Variants in WWOX observed in about 807,000 individuals in gnomAD.
WWOX encodes the protein WW domain-containing oxidoreductase.
In WWOX, 69 loss-of-function variants were observed where a neutral mutation model predicts 46.2. That is an observed-to-expected ratio of 1.49 (90% CI 1.23 to 1.82). WWOX has a LOEUF of 1.82. WWOX is among the 40% of genes most tolerant of loss of function. WWOX has a pLI of 0.00. For missense variants in WWOX, 919 were observed against 542.6 expected, an observed-to-expected ratio of 1.69 and a Z score of -6.89; for synonymous variants, 359 against 202.6, an observed-to-expected ratio of 1.77 and a Z score of -6.56.
intron 8 of WWOX, among the ~76,000 whole-genome samples, chr16:78,707,548 G>C (rs1477657612): frequency 6.6e-6 from 1 of 152,098 alleles, no homozygotes; most frequent in African/African-American, 2.4e-5. Context: ...AGGAACCGAA[G>C]TCAGAAATAA....
chr16:78,486,920 A>G (rs986053850), intron 8 of WWOX, among the ~76,000 whole-genome samples: 1 of 152,096 alleles, frequency 6.6e-6, no homozygotes, highest in Non-Finnish European at 1.5e-5. Flanking sequence ...GAAGTTGATG[A>G]TCTATTCCTA....
At chr16:78,440,362 A>T (rs917912013) in intron 8 of WWOX, among the ~76,000 whole-genome samples, 4 of 151,702 alleles carry the variant, frequency 2.6e-5, no homozygotes, top group African/African-American at 9.7e-5. Context: ...AGCCTAGAAT[A>T]CTCCTCCTCC....
chr16:79,052,990 G>C (rs544089274), intron 8 of WWOX, among the ~76,000 whole-genome samples: 1 of 149,164 alleles, frequency 6.7e-6, no homozygotes, highest in Non-Finnish European at 1.5e-5. Context: ...GGGGGTGGGT[G>C]GAGGGTCAGA....
intron 8 of WWOX, among the ~76,000 whole-genome samples, chr16:78,952,263 C>G (rs1427848720): frequency 6.6e-6 from 1 of 152,124 alleles, no homozygotes; most frequent in Admixed American, 6.5e-5. Flanking sequence ...TGGTCACTGT[C>G]TCTAGGAAGC....
chr16:79,025,049 G>C (rs1249990209), intron 8 of WWOX, among the ~76,000 whole-genome samples: 1 of 152,198 alleles, frequency 6.6e-6, no homozygotes, highest in Non-Finnish European at 1.5e-5. Flanking sequence ...TTGTGTTCCT[G>C]CTGGAGAGTG....
chr16:78,978,213 A>G lies in WWOX; in HGVS notation c.1057-233395A>G, dbSNP rs189746001. On this transcript the variant is annotated intron_variant, in intron 8 of 8. Coordinates refer to ENST00000566780, the MANE Select transcript of WWOX (RefSeq NM_016373.4). ...CTGAATAGTATTCCACTGTATATTG[A>G]TACCACAGTTGGTTGACCCATTCAT... Among the ~76,000 whole-genome samples the G allele has an allele frequency of 4.9e-3, 743 of 152,294 alleles. 7 individuals carry two copies. The highest frequency in any genetic ancestry group is 0.017 in the African/African-American group (718 of 41,572).
chr16:78,282,925 A>T (rs970199326), intron 5 of WWOX, among the ~76,000 whole-genome samples: 6 of 149,384 alleles, frequency 4.0e-5, no homozygotes, highest in African/African-American at 1.5e-4. Context: ...TCCAGGAAGG[A>T]TGTGGCTTAG....
intron 8 of WWOX, among the ~76,000 whole-genome samples, chr16:79,150,727 G>A (rs915237984): frequency 3.9e-5 from 6 of 152,138 alleles, no homozygotes; most frequent in Admixed American, 3.9e-4. Flanking sequence ...GGCCACCCTG[G>A]AACTCCTGGA....
At chr16:78,888,415 A>G (rs77291319) in intron 8 of WWOX, among the ~76,000 whole-genome samples, 5 of 152,060 alleles carry the variant, frequency 3.3e-5, no homozygotes, top group Non-Finnish European at 7.4e-5. Context: ...TGTTACTCCT[A>G]TTCTTTTTGT....
At position 78,386,964 on chromosome 16, in the gene WWOX, G is replaced by C; in HGVS notation, c.605+16G>C. On this transcript the variant is annotated intron_variant, in intron 6 of 8. Transcript: ENST00000566780. ...CCAAGAATGTGTGAGTGTTCCAGTG[G>C]AGGGTTATAGATCATAATTTCTTGC... is the stretch of plus-strand genomic sequence containing the variant. The C allele has an allele frequency of 6.2e-7, 1 of 1,607,232 alleles. No individual in the cohort carries two copies. Among genetic ancestry groups the C allele is most frequent in the Non-Finnish European group, 8.5e-7 (1 of 1,173,676 alleles).
intron 8 of WWOX, among the ~76,000 whole-genome samples, chr16:78,989,757 G>A (rs2046847031): frequency 6.6e-6 from 1 of 151,852 alleles, no homozygotes; most frequent in Non-Finnish European, 1.5e-5. Flanking sequence ...GAGATGCTGA[G>A]AGTAATGGGG....
At chr16:78,397,121 C>T (rs558126422) in intron 6 of WWOX, among the ~76,000 whole-genome samples, 18 of 152,258 alleles carry the variant, frequency 1.2e-4, no homozygotes, top group African/African-American at 3.9e-4. Flanking sequence ...GAAACTCCCC[C>T]ATGATATTTC....
chr16:78,995,432 C>T (rs1401439487), intron 8 of WWOX, among the ~76,000 whole-genome samples: 2 of 152,074 alleles, frequency 1.3e-5, no homozygotes, highest in Non-Finnish European at 2.9e-5. Context: ...TTTCTGTCCT[C>T]AGCCGTAAGA....
chr16:78,787,119 G>A (rs1356654109), intron 8 of WWOX, among the ~76,000 whole-genome samples: 1 of 152,324 alleles, frequency 6.6e-6, no homozygotes, highest in East Asian at 1.9e-4. Context: ...CTGGACTCCA[G>A]CCTGGGCGAC....
At chr16:78,936,093 A>G (rs2045731787) in intron 8 of WWOX, among the ~76,000 whole-genome samples, 1 of 152,118 alleles carries the variant, frequency 6.6e-6, no homozygotes, top group African/African-American at 2.4e-5. Flanking sequence ...ATTGGTTGTG[A>G]TTGAAAGGAA....
At chr16:78,292,775 A>T (rs900783162) in intron 5 of WWOX, among the ~76,000 whole-genome samples, 1 of 152,218 alleles carries the variant, frequency 6.6e-6, no homozygotes, top group Non-Finnish European at 1.5e-5. Context: ...AGAAGAGCCA[A>T]ATAGATTCAC....
intron 5 of WWOX, among the ~76,000 whole-genome samples, chr16:78,322,917 T>C (rs900964054): frequency 6.6e-6 from 1 of 152,214 alleles, no homozygotes. Context: ...CTCTGATCTC[T>C]TTCAACCATT....
At chr16:78,252,337 A>C (rs1254260493) in intron 5 of WWOX, among the ~76,000 whole-genome samples, 3 of 152,234 alleles carry the variant, frequency 2.0e-5, no homozygotes, top group Non-Finnish European at 4.4e-5. Context: ...TGTCAGATGG[A>C]GGTGTGTGTA....
chr16:78,611,661 A>T (rs562298241), intron 8 of WWOX, among the ~76,000 whole-genome samples: 57 of 152,192 alleles, frequency 3.7e-4, no homozygotes, highest in Non-Finnish European at 7.4e-4. Flanking sequence ...CCTCTGCATG[A>T]TTTTTTACGC....
Sources: gnomAD v4.1 joint callset for allele counts (sites outside exome capture counted in the v4.1 genomes callset) on GRCh38, gnomAD v4.1.1 for gene constraint, MANE v1.5 for transcripts, NCBI Gene and HGNC (gene_info 2026-07-23, HGNC 2026-07-21) for gene names.